Variants in FER observed in about 807,000 individuals in gnomAD.
FER encodes FER tyrosine kinase.
A neutral mutation model predicts 111.0 loss-of-function variants in FER; 63 were observed. The observed-to-expected ratio is 0.57, with a 90% CI of 0.46 to 0.70. The LOEUF (loss-of-function observed/expected upper bound fraction) is 0.70, where lower values mean the gene tolerates loss of function less well. Ranked by LOEUF, FER falls within the 30% of genes least tolerant of loss-of-function variation. The probability of loss-of-function intolerance (pLI) is 0.00; values close to 1 mark genes in which losing one functional copy is unlikely to be tolerated. For synonymous variants in FER, 327 were observed against 313.9 expected, an observed-to-expected ratio of 1.04 and a Z score of -0.44; for missense variants, 914 against 954.0, an observed-to-expected ratio of 0.96 and a Z score of 0.55.
chr5:109,025,750 T>A (rs867316916), intron 13 of FER, among the ~76,000 whole-genome samples: 3 of 152,016 alleles, frequency 2.0e-5, no homozygotes, highest in South Asian at 2.1e-4. Flanking sequence ...TGATATTGGC[T>A]GTGGGTTTGT....
At chr5:108,782,644 C>G (rs184613589) in intron 2 of FER, 60 of 151,614 alleles carry the variant, frequency 4.0e-4, no homozygotes, top group African/African-American at 1.3e-3. Context: ...TTTTTGTTTT[C>G]TTTTTATTTT....
intron 17 of FER, among the ~76,000 whole-genome samples, chr5:109,144,100 C>T (rs1392514509): frequency 6.6e-6 from 1 of 151,964 alleles, no homozygotes; most frequent in Non-Finnish European, 1.5e-5. Context: ...TGATTTGGAA[C>T]CATTTTCCTG....
At chr5:108,750,616 A>G (rs12153449) in intron 1 of FER, among the ~76,000 whole-genome samples, 21,019 of 152,272 alleles carry the variant, frequency 0.14, 1,637 homozygotes, top group Non-Finnish European at 0.19. Context: ...CAGCTTCTGC[A>G]CTGCTTCAAA....
intron 3 of FER, among the ~76,000 whole-genome samples, chr5:108,806,954 C>T (rs1039254780): frequency 3.9e-5 from 6 of 151,958 alleles, no homozygotes; most frequent in African/African-American, 1.5e-4. Flanking sequence ...GGGAGGGGTC[C>T]AGGGTGGAAT....
chr5:109,159,245 C>G (rs530699042), intron 17 of FER, among the ~76,000 whole-genome samples: 1 of 152,210 alleles, frequency 6.6e-6, no homozygotes, highest in Non-Finnish European at 1.5e-5. Context: ...TAAAATAGTT[C>G]TAAAAACCCT....
rs557644366 is a variant in FER, at chr5:108,904,231, A to G, written c.1236+6383A>G. 5.9e-5 allele frequency among the ~76,000 whole-genome samples: 9 copies of G among 152,306 alleles called. No individual in the cohort carries two copies. In the South Asian group the frequency reaches 1.5e-3, roughly 25 times the overall value. ...GAGGGGACAGTGAATAAACAAACAA[A>G]TAAATACATAGTATGTCACATGGTG... On this transcript the variant is annotated intron_variant, in intron 10 of 19. Coordinates refer to ENST00000281092, the MANE Select transcript of FER (RefSeq NM_005246.4).
At chr5:108,872,276 C>A in intron 8 of FER, 64 bp downstream of exon 8, 1 of 1,413,872 alleles carries the variant, frequency 7.1e-7, no homozygotes, top group Non-Finnish European at 9.5e-7. Context: ...TTGTTGTACT[C>A]AGATTTAAAA....
Position 108,846,480 on chromosome 5 carries a change from T to C in FER, c.481+10673T>C, listed in dbSNP as rs1377071581. ...AGTTTGTTTCTTTTTATTTTAGGTT[T>C]GGTAGGTTGTCTTTTCAGGAATTTG... On this transcript the variant is annotated intron_variant, in intron 5 of 19. Transcript: ENST00000281092. Among the ~76,000 whole-genome samples, 3 of 152,302 alleles carry C rather than the reference T, an allele frequency of 2.0e-5. No homozygotes were observed. In the East Asian group the frequency reaches 5.8e-4, roughly 29 times the overall value.
chr5:109,116,592 T>C (rs1478746176), intron 17 of FER, among the ~76,000 whole-genome samples: 1 of 152,182 alleles, frequency 6.6e-6, no homozygotes, highest in Non-Finnish European at 1.5e-5. Flanking sequence ...CATCAAGTTA[T>C]TCATTTAAAA....
intron 13 of FER, among the ~76,000 whole-genome samples, chr5:109,031,774 C>G (rs1769656892): frequency 6.6e-6 from 1 of 152,148 alleles, no homozygotes; most frequent in Admixed American, 6.6e-5. Context: ...ATCTCAAATA[C>G]TACCTGTTTT....
At chr5:108,999,668 A>G (rs1186499060) in intron 13 of FER, among the ~76,000 whole-genome samples, 1 of 151,622 alleles carries the variant, frequency 6.6e-6, no homozygotes, top group Non-Finnish European at 1.5e-5. Context: ...CAGTATGGCA[A>G]AAGAGTTTTC....
At chr5:108,992,638 C>T (rs1428050102) in intron 13 of FER, among the ~76,000 whole-genome samples, 1 of 144,798 alleles carries the variant, frequency 6.9e-6, no homozygotes, top group African/African-American at 2.5e-5. Context: ...GGGCTGACCA[C>T]CCCACCTCCC....
In FER at chr5:108,867,457, C is replaced by T. The variant is rs911076011; in HGVS notation, c.482-310C>T. On this transcript the variant is annotated intron_variant, in intron 5 of 19. Coordinates refer to ENST00000281092, the MANE Select transcript of FER (RefSeq NM_005246.4). ...TGGTTTTACAGTTTTATGTGCACTG[C>T]TGTTTCAATTTGGTATAAGCTTCTT... is the stretch of plus-strand genomic sequence containing the variant. Among the ~76,000 whole-genome samples the T allele has an allele frequency of 5.3e-5, 8 of 152,056 alleles. No homozygotes were observed. The East Asian group carries it at 1.5e-3, about 29-fold the overall frequency.
intron 13 of FER, among the ~76,000 whole-genome samples, chr5:108,984,408 G>C (rs1762342522): frequency 6.6e-6 from 1 of 152,044 alleles, no homozygotes. Context: ...ATATATACAA[G>C]TTTAAATATC....
chr5:109,180,822 A>G lies in FER; in HGVS notation c.2124A>G (p.Gln708=), dbSNP rs1317534811. The G allele has an allele frequency of 1.9e-6, 3 of 1,613,738 alleles. No individual in the cohort carries two copies. Among genetic ancestry groups the G allele is most frequent in the Non-Finnish European group, 2.5e-6 (3 of 1,179,772 alleles). The change falls in exon 18 of 20, where the codon CAA becomes CAG. Residue 708 remains glutamine, a synonymous_variant. Transcript: ENST00000281092. ...LKISDFGMSR[Q]EDGGVYSSSG... ...TCAGTGACTTTGGAATGTCTCGTCA[A>G]GAGGATGGTGGAGTGTATTCATCTT... is the stretch of plus-strand genomic sequence containing the variant.
chr5:108,923,221 A>G (rs1170645145), intron 10 of FER, among the ~76,000 whole-genome samples: 1 of 152,022 alleles, frequency 6.6e-6, no homozygotes, highest in Non-Finnish European at 1.5e-5. Context: ...TTCTCAGTGT[A>G]CAAAATGAGA....
At position 108,910,836 on chromosome 5, in the gene FER, C is replaced by G. The variant is rs1751449230; in HGVS notation, c.1236+12988C>G. ...GACATTATTTCATTATTTTTTATGG[C>G]TGCATAGTATTCCATAGGGTATATA... On this transcript the variant is annotated intron_variant, in intron 10 of 19. Transcript: ENST00000281092. Among the ~76,000 whole-genome samples the G allele has an allele frequency of 2.0e-5, 3 of 152,100 alleles. No homozygotes were observed. The East Asian group carries it at 5.8e-4, about 29-fold the overall frequency.
At chr5:108,965,825 C>T (rs1237587836) in intron 13 of FER, among the ~76,000 whole-genome samples, 1 of 152,144 alleles carries the variant, frequency 6.6e-6, no homozygotes, top group East Asian at 1.9e-4. Flanking sequence ...GAAAGTCTAG[C>T]AGAGACTATA....
At chr5:108,877,879 T>C (rs1380676269) in intron 8 of FER, among the ~76,000 whole-genome samples, 2 of 152,170 alleles carry the variant, frequency 1.3e-5, no homozygotes, top group Non-Finnish European at 2.9e-5. Context: ...TGGAAACTTT[T>C]TATTATCCAT....
Sources: gnomAD v4.1 joint callset for allele counts (sites outside exome capture counted in the v4.1 genomes callset) on GRCh38, gnomAD v4.1.1 for gene constraint, MANE v1.5 for transcripts, NCBI Gene and HGNC (gene_info 2026-07-23, HGNC 2026-07-21) for gene names.